Variants in SYNDIG1 observed in about 807,000 individuals in gnomAD.
SYNDIG1 encodes the protein synapse differentiation inducing 1, also known as synapse differentiation-inducing gene protein 1.
In SYNDIG1, 9 loss-of-function variants were observed where a neutral mutation model predicts 19.4. The ratio of observed to expected loss-of-function variants is 0.46; its 90% CI spans 0.28 to 0.81. The LOEUF is 0.81. Ranked by LOEUF, SYNDIG1 falls within the 30% of genes least tolerant of loss-of-function variation. The probability of loss-of-function intolerance (pLI) is 0.12; values close to 1 mark genes in which losing one functional copy is unlikely to be tolerated. For synonymous variants in SYNDIG1, 141 were observed against 145.9 expected, an observed-to-expected ratio of 0.97 and a Z score of 0.24; for missense variants, 311 against 343.3, an observed-to-expected ratio of 0.91 and a Z score of 0.74.
intron 1 of SYNDIG1, among the ~76,000 whole-genome samples, chr20:24,500,287 G>T (rs989721950): frequency 6.6e-6 from 1 of 152,042 alleles, no homozygotes; most frequent in African/African-American, 2.4e-5. Context: ...CACAGAAATC[G>T]TTGATAGAAA....
intron 1 of SYNDIG1, among the ~76,000 whole-genome samples, chr20:24,515,647 C>T (rs1360607976): frequency 6.6e-6 from 1 of 152,030 alleles, no homozygotes; most frequent in Middle Eastern, 3.4e-3. Flanking sequence ...TGAAGGACCT[C>T]TTCAAGGAGA....
At chr20:24,565,579 T>A (rs1035066594) in intron 2 of SYNDIG1, among the ~76,000 whole-genome samples, 1 of 152,222 alleles carries the variant, frequency 6.6e-6, no homozygotes, top group African/African-American at 2.4e-5. Context: ...TTGTTTCTTC[T>A]AGAAAATAGA....
intron 2 of SYNDIG1, among the ~76,000 whole-genome samples, chr20:24,574,233 C>G (rs905347752): frequency 1.3e-5 from 2 of 151,990 alleles, no homozygotes; most frequent in Middle Eastern, 3.4e-3. Context: ...ATCCTAGCAC[C>G]TTGGGAGGCC....
intron 3 of SYNDIG1, among the ~76,000 whole-genome samples, chr20:24,605,507 A>C (rs1446617662): frequency 1.3e-5 from 2 of 152,164 alleles, no homozygotes; most frequent in Non-Finnish European, 2.9e-5. Flanking sequence ...GCTGTTTTGC[A>C]ACTTCTGGAT....
chr20:24,547,738 G>A (rs1372502151), intron 2 of SYNDIG1, among the ~76,000 whole-genome samples: 1 of 152,236 alleles, frequency 6.6e-6, no homozygotes, highest in Non-Finnish European at 1.5e-5. Context: ...AATACCAGCA[G>A]TGGGAAGCCA....
intron 2 of SYNDIG1, among the ~76,000 whole-genome samples, chr20:24,576,178 G>C (rs73905115): frequency 6.6e-6 from 1 of 152,152 alleles, no homozygotes; most frequent in Non-Finnish European, 1.5e-5. Context: ...GGGCACAAAG[G>C]TACATATATC....
chr20:24,563,096 C>T (rs922542996), intron 2 of SYNDIG1, among the ~76,000 whole-genome samples: 14 of 152,332 alleles, frequency 9.2e-5, no homozygotes, highest in African/African-American at 3.4e-4. Flanking sequence ...AAGTAGTACT[C>T]ACTGAAACAA....
chr20:24,601,069 G>A (rs762113663), intron 3 of SYNDIG1, among the ~76,000 whole-genome samples: 41 of 152,122 alleles, frequency 2.7e-4, no homozygotes, highest in African/African-American at 7.5e-4. Flanking sequence ...TGGATTTACC[G>A]AAAGCTTTTT....
At chr20:24,598,776 G>C (rs1418246359) in intron 3 of SYNDIG1, among the ~76,000 whole-genome samples, 2 of 152,184 alleles carry the variant, frequency 1.3e-5, no homozygotes, top group Non-Finnish European at 2.9e-5. Flanking sequence ...CAAAGGGTCA[G>C]TTTTGTGATT....
Position 24,543,276 on chromosome 20 carries a change from C to T in SYNDIG1, c.179C>T (p.Ala60Val), listed in dbSNP as rs373249350. The T allele has an allele frequency of 1.9e-6, 3 of 1,613,648 alleles. No individual in the cohort carries two copies. The East Asian group carries it at 6.7e-5, about 36-fold the overall frequency. Reference sequence around the variant, plus strand: ...CGGGTGGGGGCCAGCACAGTGCCGGCCAGCCTGGACAGCAGCAGGAGTGAG... The same window carrying T: ...CGGGTGGGGGCCAGCACAGTGCCGGTCAGCCTGGACAGCAGCAGGAGTGAG... Reference protein sequence around the residue: ...SHRVGASTVPASLDSSRSEPM... With the variant: ...SHRVGASTVPVSLDSSRSEPM... Residue 60 changes from alanine (A) to valine (V), a missense_variant, in exon 2 of 4, where the codon GCC (alanine) becomes GTC (valine). By Grantham distance (64) the Ala-to-Val change is moderately conservative. Transcript: ENST00000376862.
chr20:24,565,656 G>A (rs2058030941), intron 2 of SYNDIG1, among the ~76,000 whole-genome samples: 1 of 152,196 alleles, frequency 6.6e-6, no homozygotes, highest in South Asian at 2.1e-4. Context: ...CTTTGCTTTA[G>A]CCGTTTAAAA....
chr20:24,471,814 A>G (rs1472377786), intron 1 of SYNDIG1, among the ~76,000 whole-genome samples: 2 of 152,192 alleles, frequency 1.3e-5, no homozygotes, highest in South Asian at 4.1e-4. Context: ...TTCAAAACTC[A>G]TTCCAAAATG....
At chr20:24,489,034 G>A (rs922316468) in intron 1 of SYNDIG1, among the ~76,000 whole-genome samples, 9 of 152,210 alleles carry the variant, frequency 5.9e-5, no homozygotes, top group African/African-American at 2.2e-4. Flanking sequence ...CTAAGCTCCT[G>A]TGGAGGCTGA....
intron 2 of SYNDIG1, among the ~76,000 whole-genome samples, chr20:24,580,160 G>A (rs2058298246): frequency 1.3e-5 from 2 of 152,206 alleles, no homozygotes; most frequent in Non-Finnish European, 2.9e-5. Flanking sequence ...GACTCATGAA[G>A]AGGATTCTTT....
At chr20:24,628,892 G>A (rs1353704586) in intron 3 of SYNDIG1, among the ~76,000 whole-genome samples, 1 of 152,188 alleles carries the variant, frequency 6.6e-6, no homozygotes, top group Non-Finnish European at 1.5e-5. Flanking sequence ...GATTGGGTGG[G>A]AGGGAAAGCA....
chr20:24,646,224 G>A (rs1345325337), intron 3 of SYNDIG1, among the ~76,000 whole-genome samples: 1 of 152,188 alleles, frequency 6.6e-6, no homozygotes, highest in Non-Finnish European at 1.5e-5. Flanking sequence ...CAGGGAACAT[G>A]CACACATTAC....
At chr20:24,504,757 GTTGGCATATGCTGGC>G (rs2056545891) in intron 1 of SYNDIG1, among the ~76,000 whole-genome samples, 1 of 152,226 alleles carries the variant, frequency 6.6e-6, no homozygotes, top group Admixed American at 6.5e-5. Flanking sequence ...CTAAACGGGG[GTTGGCATATGCTGGC>G]TCTCATGAGC....
At chr20:24,636,485 G>A (rs552912922) in intron 3 of SYNDIG1, among the ~76,000 whole-genome samples, 37 of 152,130 alleles carry the variant, frequency 2.4e-4, no homozygotes, top group Non-Finnish European at 4.7e-4. Flanking sequence ...GATTTACATA[G>A]GGCCCAAAGA....
chr20:24,638,321 G>T (rs1005451523), intron 3 of SYNDIG1, among the ~76,000 whole-genome samples: 12 of 152,160 alleles, frequency 7.9e-5, no homozygotes, highest in African/African-American at 2.2e-4. Context: ...CAGCAATGTG[G>T]TATAAGGTAA....
Sources: allele counts gnomAD v4.1 joint callset (sites outside exome capture counted in the v4.1 genomes callset), GRCh38; gene constraint gnomAD v4.1.1; transcripts MANE v1.5; gene names NCBI Gene and HGNC (gene_info 2026-07-23, HGNC 2026-07-21).